The following PTPRB variants were observed in gnomAD, a reference collection of about 807,000 sequenced individuals.
PTPRB encodes protein tyrosine phosphatase receptor type B.
In PTPRB, 97 loss-of-function variants were observed where a neutral mutation model predicts 238.1. The ratio of observed to expected loss-of-function variants is 0.41; its 90% confidence interval spans 0.35 to 0.48. The LOEUF is 0.48. Ranked by LOEUF, PTPRB falls within the 20% of genes least tolerant of loss-of-function variation. The pLI is 0.30. For synonymous variants in PTPRB, 970 were observed against 995.4 expected (o/e 0.97, Z 0.48); for missense variants, 2,292 against 2,681.9 (o/e 0.85, Z 3.21).
chr12:70,564,112 C>A (rs533931892), intron 15 of PTPRB, among the ~76,000 whole-genome samples: 8 of 152,324 alleles, frequency 5.3e-5, no homozygotes, highest in African/African-American at 1.9e-4. Context: ...TTGGCATTGG[C>A]TCTGCTTATA....
chr12:70,604,745 C>G (rs1468128441), intron 4 of PTPRB, among the ~76,000 whole-genome samples: 1 of 152,124 alleles, frequency 6.6e-6, no homozygotes, highest in African/African-American at 2.4e-5. Flanking sequence ...AGAGCGGGCC[C>G]TAAGCCAATA....
rs55675247 is a variant in PTPRB, at chr12:70,537,148, G to C, written c.5947-989C>G. On this transcript the variant is annotated intron_variant, in intron 28 of 33. Coordinates refer to ENST00000334414, the MANE Select transcript of PTPRB (RefSeq NM_001109754.4). The stretch of plus-strand genomic sequence containing the variant: ...AAATACAAAAAAATATTAGCCAGGC[G>C]TGGTGGCAGGTGCCTGTAGTCTCAG... Among the ~76,000 whole-genome samples the C allele has an allele frequency of 7.4e-4, 112 of 152,134 alleles. 1 individual carries two copies. The highest frequency in any genetic ancestry group is 2.5e-3 in the African/African-American group (103 of 41,468).
chr12:70,541,821 G>A (rs1200593288), intron 22 of PTPRB: 3 of 152,058 alleles, frequency 2.0e-5, no homozygotes, highest in East Asian at 1.9e-4. Context: ...TTGAATAATC[G>A]TCCATTGTAT....
chr12:70,531,855 A>C (rs1357560863), intron 32 of PTPRB, among the ~76,000 whole-genome samples, 180 bp downstream of exon 32: 3 of 152,202 alleles, frequency 2.0e-5, no homozygotes, highest in Non-Finnish European at 2.9e-5. Flanking sequence ...GGTCACCTTC[A>C]AGACCAGTGA....
At chr12:70,536,477 G>C (rs1395639355) in intron 28 of PTPRB, among the ~76,000 whole-genome samples, 3 of 151,842 alleles carry the variant, frequency 2.0e-5, no homozygotes, top group African/African-American at 7.3e-5. Context: ...CTGTTGGAGG[G>C]ACTGTAATCA....
At chr12:70,618,479 A>C (rs931160552) in intron 3 of PTPRB, among the ~76,000 whole-genome samples, 8 of 152,208 alleles carry the variant, frequency 5.3e-5, no homozygotes, top group African/African-American at 1.9e-4. Flanking sequence ...GTGAGTACCC[A>C]TAACTATCCT....
intron 17 of PTPRB, among the ~76,000 whole-genome samples, chr12:70,559,837 T>C (rs970200587): frequency 1.5e-4 from 17 of 113,342 alleles, no homozygotes; most frequent in Non-Finnish European, 1.1e-4. Context: ...TTTTTTTTTT[T>C]CACTTTTTTT....
Position 70,563,026 on chromosome 12 carries a change from T to A in PTPRB, c.3986A>T (p.Glu1329Val). The change falls in exon 16 of 34, where the codon GAG (glutamate) becomes GTG (valine). Residue 1329 changes from glutamate (E) to valine (V), a missense_variant. Physicochemically the swap from Glu to Val is moderately radical, Grantham distance 121. Coordinates refer to ENST00000334414, the MANE Select transcript of PTPRB (RefSeq NM_001109754.4). ...LSFRWTASEG[E>V]LSWYNIFLYN... ...CAAAAAGATGTTGTACCAGCTGAGC[T>A]CCCCCTCTGAGGCGGTCCAGCGGAA... 1 of 1,613,798 alleles carries A rather than the reference T, an allele frequency of 6.2e-7. No individual in the cohort carries two copies. Among genetic ancestry groups the A allele is most frequent in the Non-Finnish European group, 8.5e-7 (1 of 1,179,842 alleles).
At chr12:70,601,282 C>T (rs915418882) in intron 4 of PTPRB, among the ~76,000 whole-genome samples, 4 of 152,096 alleles carry the variant, frequency 2.6e-5, no homozygotes, top group East Asian at 1.9e-4. Context: ...GGATTGCATG[C>T]GAACCACCAC....
rs1024533931 is a variant in PTPRB at position 70,535,033 on chromosome 12, T to C, written c.6082-78A>G. ...GAACCTGGGGTTTCCCTCCTCTAAATGTCTTCCAAAGTTAGGAATCTGGGA... is the reference window on the plus strand; with the variant it reads ...GAACCTGGGGTTTCCCTCCTCTAAACGTCTTCCAAAGTTAGGAATCTGGGA... On this transcript the variant is annotated intron_variant, in intron 29 of 33. Transcript: ENST00000334414. 4.0e-6 allele frequency: 6 copies of C among 1,496,390 alleles called. No individual in the cohort carries two copies. The African/African-American group carries it at 5.6e-5, about 14-fold the overall frequency. The allele number at this position is 1,496,390 out of a possible 1,614,324, so 92.7% of individuals were successfully genotyped here.
intron 4 of PTPRB, among the ~76,000 whole-genome samples, chr12:70,599,516 C>T (rs1423478040): frequency 6.6e-6 from 1 of 152,068 alleles, no homozygotes; most frequent in Non-Finnish European, 1.5e-5. Context: ...AAGCTTTAGT[C>T]TTGATTAATA....
chr12:70,566,979 T>C (rs1288412986), intron 14 of PTPRB, among the ~76,000 whole-genome samples: 2 of 152,174 alleles, frequency 1.3e-5, no homozygotes, highest in Non-Finnish European at 2.9e-5. Context: ...CTGATAAATA[T>C]GCAGAGTGGT....
chr12:70,599,790 T>C (rs1489439843), intron 4 of PTPRB, among the ~76,000 whole-genome samples: 2 of 152,136 alleles, frequency 1.3e-5, no homozygotes, highest in Non-Finnish European at 2.9e-5. Context: ...TGAATTCTTT[T>C]TTCCTTTTCT....
At chr12:70,631,911 A>AT (rs1400903926) in intron 2 of PTPRB, among the ~76,000 whole-genome samples, 2 of 152,248 alleles carry the variant, frequency 1.3e-5, no homozygotes, top group Non-Finnish European at 2.9e-5. Flanking sequence ...AATGGCAATC[A>AT]TTAAAAAGTC....
chr12:70,571,465 G>T (rs1208575042), intron 12 of PTPRB, 176 bp from the exon 13 acceptor site: 5 of 662,066 alleles, frequency 7.6e-6, no homozygotes, highest in African/African-American at 5.5e-5. Context: ...TAACATTGTG[G>T]TTTTTTCCTG....
At chr12:70,597,212 G>A (rs909830325) in intron 4 of PTPRB, among the ~76,000 whole-genome samples, 1 of 152,094 alleles carries the variant, frequency 6.6e-6, no homozygotes, top group Non-Finnish European at 1.5e-5. Flanking sequence ...ATGAGCCACC[G>A]CATCTGGCCC....
At chr12:70,581,583 G>C (rs962974255) in intron 9 of PTPRB, among the ~76,000 whole-genome samples, 1 of 152,032 alleles carries the variant, frequency 6.6e-6, no homozygotes, top group Non-Finnish European at 1.5e-5. Context: ...TTAAATTTTA[G>C]ATAATGAAGG....
rs1436342052 is a variant in PTPRB, at chr12:70,548,342, TCTCTCACACACACA to T, written c.5388-3693_5388-3680del. 5.8e-3 allele frequency among the ~76,000 whole-genome samples: 340 copies of T among 58,428 alleles called. 1 individual carries two copies. Among genetic ancestry groups the T allele is most frequent in the African/African-American group, 0.031 (300 of 9,598 alleles). The allele number at this position is 58,428 out of a possible 152,430, so 38.3% of individuals were successfully genotyped here. On this transcript the variant is annotated intron_variant, in intron 21 of 33. Transcript: ENST00000334414. ...GACTCTCTCTCTCTCTCTCTCTCTC[TCTCTCACACACACA>T]CACACACACACACACACACACACAC...
chr12:70,612,047 C>G (rs2583997), intron 3 of PTPRB, among the ~76,000 whole-genome samples: 85,184 of 152,080 alleles, frequency 0.56, 25,103 homozygotes, highest in African/African-American at 0.75. Context: ...TAACAATGTA[C>G]TTTCCTCAAC....
Sources: allele counts gnomAD v4.1 joint callset (sites outside exome capture counted in the v4.1 genomes callset), GRCh38; gene constraint gnomAD v4.1.1; transcripts MANE v1.5; gene names NCBI Gene and HGNC (gene_info 2026-07-23, HGNC 2026-07-21).